Variants in SCAPER observed in about 807,000 individuals in gnomAD.
The protein encoded by SCAPER is S-phase cyclin A associated protein in the ER.
Under a neutral mutation model 182.2 loss-of-function variants are expected in SCAPER, and 98 were observed. That is an observed-to-expected ratio of 0.54 (90% confidence interval 0.46 to 0.64). The LOEUF (loss-of-function observed/expected upper bound fraction) is 0.64, where lower values mean the gene tolerates loss of function less well. Ranked by LOEUF, SCAPER falls within the 30% of genes least tolerant of loss-of-function variation. The pLI, the probability that SCAPER is intolerant of heterozygous loss-of-function variation, is 0.00. For synonymous variants in SCAPER, 605 were observed against 564.6 expected (o/e 1.07, Z -1.01); for missense variants, 1,432 against 1,690.0 (o/e 0.85, Z 2.68).
At chr15:76,534,994 A>G (rs1311418926) in intron 23 of SCAPER, among the ~76,000 whole-genome samples, 1 of 152,194 alleles carries the variant, frequency 6.6e-6, no homozygotes, top group East Asian at 1.9e-4. Context: ...AATGGAGGTC[A>G]CTGCAAAACA....
In SCAPER at chr15:76,889,549, C is replaced by A. The variant is rs550969968; in HGVS notation, c.-59-5673G>T. The stretch of plus-strand genomic sequence containing the variant: ...AATCTCTGATAAAACAGACTTCAAA[C>A]CAACACAGATCAAAAAAGACAAAGA... On this transcript the variant is annotated intron_variant, in intron 1 of 31. Coordinates refer to ENST00000563290, the MANE Select transcript of SCAPER (RefSeq NM_020843.4). Among the ~76,000 whole-genome samples the A allele has an allele frequency of 3.9e-5, 6 of 152,202 alleles. 1 individual carries two copies. The highest frequency in any genetic ancestry group is 1.4e-4 in the African/African-American group (6 of 41,524).
chr15:76,534,195 G>A (rs1282368032), intron 23 of SCAPER, among the ~76,000 whole-genome samples: 1 of 152,192 alleles, frequency 6.6e-6, no homozygotes, highest in Non-Finnish European at 1.5e-5. Flanking sequence ...AACACCGTCT[G>A]TCTACAGTTC....
intron 22 of SCAPER, among the ~76,000 whole-genome samples, chr15:76,614,869 A>G (rs1247186659): frequency 3.3e-5 from 5 of 152,220 alleles, no homozygotes; most frequent in Admixed American, 1.3e-4. Context: ...ACAAACCTTT[A>G]GCTAGATTGA....
At chr15:76,875,473 A>G (rs1595872262) in intron 2 of SCAPER, among the ~76,000 whole-genome samples, 1 of 152,150 alleles carries the variant, frequency 6.6e-6, no homozygotes, top group African/African-American at 2.4e-5. Context: ...GCAAAACCCC[A>G]TCTCTGCTAA....
intron 21 of SCAPER, among the ~76,000 whole-genome samples, chr15:76,632,610 T>C (rs1200956540): frequency 6.6e-6 from 1 of 152,188 alleles, no homozygotes; most frequent in Non-Finnish European, 1.5e-5. Context: ...TGTCAATTCA[T>C]CCGTCTCAGC....
chr15:76,811,121 C>CAAAA (rs71447123), intron 5 of SCAPER, among the ~76,000 whole-genome samples: 2 of 105,472 alleles, frequency 1.9e-5, no homozygotes, highest in African/African-American at 3.3e-5. Context: ...ATAGAATTTA[C>CAAAA]AAAAAAAAAA....
At chr15:76,790,738 T>C (rs775592316) in intron 8 of SCAPER, among the ~76,000 whole-genome samples, 1 of 152,192 alleles carries the variant, frequency 6.6e-6, no homozygotes, top group East Asian at 1.9e-4. Context: ...ACAGTAGTAA[T>C]ATGTAACTAG....
At chr15:76,703,054 G>A (rs1320383655) in intron 18 of SCAPER, 52 bp from the exon 19 acceptor site, 7 of 1,489,662 alleles carry the variant, frequency 4.7e-6, no homozygotes, top group Non-Finnish European at 6.3e-6. Flanking sequence ...AAATTATGGT[G>A]AGAAATTGGA....
At chr15:76,704,824 T>C (rs1041604326) in intron 18 of SCAPER, among the ~76,000 whole-genome samples, 10 of 152,076 alleles carry the variant, frequency 6.6e-5, no homozygotes, top group African/African-American at 2.4e-4. Flanking sequence ...ATCAGAGAAA[T>C]GCAAATCAAA....
At chr15:76,536,853 A>G (rs1362937306) in intron 23 of SCAPER, among the ~76,000 whole-genome samples, 1 of 152,152 alleles carries the variant, frequency 6.6e-6, no homozygotes, top group Non-Finnish European at 1.5e-5. Context: ...TAAGCTGATA[A>G]GCAACTTCAG....
intron 16 of SCAPER, among the ~76,000 whole-genome samples, chr15:76,730,953 A>C (rs1456132482): frequency 6.6e-6 from 1 of 152,154 alleles, no homozygotes. Context: ...CAACCTATTA[A>C]TTTCCATTTT....
rs746234555 is a variant in SCAPER at position 76,434,316 on chromosome 15, TG to T, written c.3079-7del. ...TTTTCATCTGGAACATAAACCTAGA[TG>T]AAAAAAAAGTACAGTAAATATGTTT... On this transcript the variant is annotated splice_polypyrimidine_tract_variant and splice_region_variant and intron_variant, in intron 25 of 31. Coordinates refer to ENST00000563290, the MANE Select transcript of SCAPER (RefSeq NM_020843.4). 2 of 1,583,152 alleles carry T rather than the reference TG, an allele frequency of 1.3e-6. No homozygotes were observed. The highest frequency in any genetic ancestry group is 2.2e-5 in the East Asian group (1 of 44,602).
At chr15:76,881,403 A>G (rs575216742) in intron 2 of SCAPER, among the ~76,000 whole-genome samples, 17 of 152,252 alleles carry the variant, frequency 1.1e-4, no homozygotes, top group Non-Finnish European at 1.6e-4. Context: ...GCCTGAAAAC[A>G]GTCTTGAAGA....
At chr15:76,885,766 T>G (rs112590527) in intron 1 of SCAPER, among the ~76,000 whole-genome samples, 1 of 152,190 alleles carries the variant, frequency 6.6e-6, no homozygotes, top group Non-Finnish European at 1.5e-5. Flanking sequence ...GTTAAAGGCA[T>G]GTGCCACCAT....
rs2150943763 is a variant in SCAPER, at chr15:76,718,726, A to C, written c.2165+9869T>G. ...CATACAACTCAATAGTAGAAAAACA[A>C]ACTGATTTTAAAATGGGTAAAGAAT... On this transcript the variant is annotated intron_variant, in intron 17 of 31. Coordinates refer to ENST00000563290, the MANE Select transcript of SCAPER (RefSeq NM_020843.4). Among the ~76,000 whole-genome samples the C allele has an allele frequency of 2.6e-5, 4 of 152,226 alleles. No homozygotes were observed. The South Asian group carries it at 8.3e-4, about 32-fold the overall frequency.
chr15:76,489,167 C>A (rs1408891360), intron 24 of SCAPER, among the ~76,000 whole-genome samples: 2 of 145,298 alleles, frequency 1.4e-5, no homozygotes, highest in Non-Finnish European at 3.0e-5. Flanking sequence ...ACATTAATTT[C>A]CTTTCCCTTA....
chr15:76,615,345 C>T (rs1390289485), intron 22 of SCAPER, among the ~76,000 whole-genome samples: 1 of 151,632 alleles, frequency 6.6e-6, no homozygotes. Context: ...ACTTGGGAGG[C>T]TGAAGTGGGA....
intron 29 of SCAPER, among the ~76,000 whole-genome samples, chr15:76,375,506 T>C (rs1256886447): frequency 1.3e-5 from 2 of 152,004 alleles, no homozygotes; most frequent in African/African-American, 4.8e-5. Flanking sequence ...GTAAACTACC[T>C]TATCAAAACA....
At chr15:76,429,634 G>T (rs2142473382) in intron 26 of SCAPER, among the ~76,000 whole-genome samples, 1 of 152,170 alleles carries the variant, frequency 6.6e-6, no homozygotes, top group African/African-American at 2.4e-5. Context: ...GATGATTTAG[G>T]GTATCTGGCA....
Sources: gnomAD v4.1 joint callset for allele counts (sites outside exome capture counted in the v4.1 genomes callset) on GRCh38, gnomAD v4.1.1 for gene constraint, MANE v1.5 for transcripts, NCBI Gene and HGNC (gene_info 2026-07-23, HGNC 2026-07-21) for gene names.